Variants in LRRC7 observed in about 807,000 individuals in gnomAD.
LRRC7 encodes the protein leucine-rich repeat-containing protein 7.
A neutral mutation model predicts 175.7 loss-of-function variants in LRRC7; 23 were observed. The observed-to-expected ratio is 0.13, with a 90% confidence interval of 0.09 to 0.19. LRRC7 has a LOEUF of 0.19. LRRC7 is among the 10% of genes least tolerant of loss of function. LRRC7 has a pLI of 1.00. For missense variants in LRRC7, 1,354 were observed against 1,904.7 expected (o/e 0.71, Z 5.38); for synonymous variants, 685 against 680.9 (o/e 1.01, Z -0.09).
At chr1:69,638,838 T>C (rs1394663340) in intron 1 of LRRC7, among the ~76,000 whole-genome samples, 6 of 151,700 alleles carry the variant, frequency 4.0e-5, no homozygotes, top group Non-Finnish European at 7.4e-5. Context: ...TTTATGAACC[T>C]CTTGGGTGAG....
Position 69,673,859 on chromosome 1 carries a change from T to A in LRRC7, c.3-4522T>A, listed in dbSNP as rs114463868. On this transcript the variant is annotated intron_variant, in intron 1 of 26. Coordinates refer to ENST00000651989, the MANE Select transcript of LRRC7 (RefSeq NM_001370785.2). ...ATTGTTTTGGCCCCAGTTATCTTTT[T>A]GGCAGTTCTCAAAAACTTAAAATGT... 4.3e-3 allele frequency among the ~76,000 whole-genome samples: 662 copies of A among 152,268 alleles called. 8 individuals are homozygous for A. Among genetic ancestry groups the A allele is most frequent in the African/African-American group, 0.015 (632 of 41,534 alleles).
chr1:69,699,544 A>G (rs551856381), intron 2 of LRRC7, among the ~76,000 whole-genome samples: 9 of 150,904 alleles, frequency 6.0e-5, no homozygotes, highest in East Asian at 1.9e-4. Context: ...TCTAAAAAAA[A>G]AGAGAGAGAA....
intron 7 of LRRC7, chr1:69,919,363 G>A (rs1356469962): frequency 3.3e-6 from 2 of 609,782 alleles, no homozygotes; most frequent in Non-Finnish European, 5.9e-6. Context: ...AAAGATGGCG[G>A]ACGAGGAGAA....
intron 3 of LRRC7, among the ~76,000 whole-genome samples, chr1:69,774,183 G>A (rs1389984190): frequency 3.0e-4 from 46 of 152,150 alleles, no homozygotes; most frequent in Non-Finnish European, 1.5e-5. Flanking sequence ...AGCCAGGTGG[G>A]CATCACCTTG....
intron 12 of LRRC7, 133 bp downstream of exon 12, chr1:70,012,059 A>G (rs930463324): frequency 1.0e-5 from 5 of 484,188 alleles, no homozygotes; most frequent in African/African-American, 9.9e-5. Flanking sequence ...CTACATATAT[A>G]TTTGCTAATT....
At chr1:69,676,769 G>A (rs1403047338) in intron 1 of LRRC7, among the ~76,000 whole-genome samples, 4 of 151,792 alleles carry the variant, frequency 2.6e-5, no homozygotes, top group Non-Finnish European at 5.9e-5. Context: ...TTGAAAACTG[G>A]TACTTTTTAA....
Position 69,612,052 on chromosome 1 carries a change from C to T in LRRC7, c.2+43411C>T, listed in dbSNP as rs186825059. Among the ~76,000 whole-genome samples the T allele has an allele frequency of 4.6e-5, 7 of 152,142 alleles. No individual in the cohort carries two copies. In the East Asian group the frequency reaches 9.7e-4, roughly 21 times the overall value. ...TGAGGATCGACTGTAATTTCCTTCA[C>T]GATTTTCCCTTTGCTTTTCTATGCC... On this transcript the variant is annotated intron_variant, in intron 1 of 26. Coordinates refer to ENST00000651989, the MANE Select transcript of LRRC7 (RefSeq NM_001370785.2).
At chr1:69,980,749 T>C (rs1365726511) in intron 9 of LRRC7, among the ~76,000 whole-genome samples, 2 of 152,218 alleles carry the variant, frequency 1.3e-5, no homozygotes, top group Non-Finnish European at 2.9e-5. Flanking sequence ...TTTATAGTTA[T>C]ATTTTTAAAA....
At position 70,124,250 on chromosome 1, in the gene LRRC7, C is replaced by T. The variant is rs1407999073; in HGVS notation, c.*2363C>T. Among the ~76,000 whole-genome samples the T allele has an allele frequency of 3.9e-5, 6 of 152,172 alleles. No homozygotes were observed. Among genetic ancestry groups the T allele is most frequent in the African/African-American group, 1.2e-4 (5 of 41,446 alleles). On this transcript the variant is annotated 3_prime_UTR_variant, in exon 27 of 27. Transcript: ENST00000651989. ...TAATAATGAAAACAGGCAGGCCAGG[C>T]GTGGTGGCTCACACTAGTAATCCCC...
At chr1:69,948,324 T>C (rs988749024) in intron 8 of LRRC7, among the ~76,000 whole-genome samples, 9 of 152,200 alleles carry the variant, frequency 5.9e-5, no homozygotes, top group African/African-American at 1.9e-4. Flanking sequence ...TCATATGCTT[T>C]TGTGTCACTG....
intron 5 of LRRC7, among the ~76,000 whole-genome samples, chr1:69,833,625 G>T (rs931440413): frequency 6.6e-6 from 1 of 151,992 alleles, no homozygotes; most frequent in Non-Finnish European, 1.5e-5. Context: ...ATAAAACGCA[G>T]ATATAATGTC....
At chr1:69,764,521 A>T (rs1671387862) in intron 3 of LRRC7, among the ~76,000 whole-genome samples, 2 of 152,042 alleles carry the variant, frequency 1.3e-5, no homozygotes, top group Admixed American at 1.3e-4. Flanking sequence ...TTCTCGGCTT[A>T]AAAGTTTACA....
At chr1:69,912,556 C>T (rs965621147) in intron 7 of LRRC7, among the ~76,000 whole-genome samples, 1 of 152,178 alleles carries the variant, frequency 6.6e-6, no homozygotes, top group Admixed American at 6.5e-5. Flanking sequence ...GCCCCCCACC[C>T]TCAGAAATAA....
In LRRC7 at chr1:70,137,493, A is replaced by G. The variant is rs1382365360; in HGVS notation, c.*15606A>G. Reference sequence around the variant, plus strand: ...TCTGGTGGACTTGCATATCTTTAACACTTATCATGTACCTACATACAAGGA... The same window carrying G: ...TCTGGTGGACTTGCATATCTTTAACGCTTATCATGTACCTACATACAAGGA... On this transcript the variant is annotated 3_prime_UTR_variant, in exon 27 of 27. Transcript: ENST00000651989. Among the ~76,000 whole-genome samples, 2 of 152,234 alleles carry G rather than the reference A, an allele frequency of 1.3e-5. No individual in the cohort carries two copies. Among genetic ancestry groups the G allele is most frequent in the Non-Finnish European group, 2.9e-5 (2 of 68,034 alleles).
intron 22 of LRRC7, 96 bp downstream of exon 22, chr1:70,044,190 A>C: frequency 7.6e-7 from 1 of 1,318,994 alleles, no homozygotes; most frequent in Non-Finnish European, 1.0e-6. Flanking sequence ...AACCCTGCTT[A>C]CTATAGGCTC....
At position 70,136,652 on chromosome 1, in the gene LRRC7, T is replaced by C. The variant is rs1046551150; in HGVS notation, c.*14765T>C. On this transcript the variant is annotated 3_prime_UTR_variant, in exon 27 of 27. Transcript: ENST00000651989. ...CAAAATATGAGGAAAGAACACTGTA[T>C]TGTCACCTTCTCTCACAGTTTAATA... Among the ~76,000 whole-genome samples the C allele has an allele frequency of 2.0e-5, 3 of 152,008 alleles. No homozygotes were observed. The highest frequency in any genetic ancestry group is 2.9e-5 in the Non-Finnish European group (2 of 67,994).
rs543302675 is a variant in LRRC7, at chr1:70,127,939, G to T, written c.*6052G>T. ...TTCTCTTCTCCTTTTTTGAAAAAAA[G>T]ACTTTTATGTGACTTTTTCTTTTCT... On this transcript the variant is annotated 3_prime_UTR_variant, in exon 27 of 27. Transcript: ENST00000651989. Among the ~76,000 whole-genome samples, 4 of 151,966 alleles carry T rather than the reference G, an allele frequency of 2.6e-5. No individual in the cohort carries two copies. Among genetic ancestry groups the T allele is most frequent in the Non-Finnish European group, 4.4e-5 (3 of 67,944 alleles).
intron 8 of LRRC7, among the ~76,000 whole-genome samples, chr1:69,977,064 T>A (rs577927224): frequency 1.3e-5 from 2 of 152,166 alleles, no homozygotes; most frequent in Non-Finnish European, 2.9e-5. Context: ...ACTCTGCATC[T>A]CCATTGGTGA....
At chr1:70,080,086 G>A (rs926578029) in intron 24 of LRRC7, among the ~76,000 whole-genome samples, 9 of 152,218 alleles carry the variant, frequency 5.9e-5, no homozygotes, top group Non-Finnish European at 1.2e-4. Flanking sequence ...TCTGTCAAAT[G>A]ATATTAATTA....
Sources: gnomAD v4.1 joint callset for allele counts (sites outside exome capture counted in the v4.1 genomes callset) on GRCh38, gnomAD v4.1.1 for gene constraint, MANE v1.5 for transcripts, NCBI Gene and HGNC (gene_info 2026-07-23, HGNC 2026-07-21) for gene names.